Variants in SPMIP2 observed in about 807,000 individuals in gnomAD.
The protein encoded by SPMIP2 is sperm microtubule inner protein 2, also known as protein SPMIP2.
the SPMIP2 span, among the ~76,000 whole-genome samples, chr4:159,065,955 T>C: frequency 6.6e-6 from 1 of 152,224 alleles, no homozygotes; most frequent in East Asian, 1.9e-4. Flanking sequence ...ATGTCTGATA[T>C]CAGAGTCCTC....
chr4:159,013,946 G>A, the SPMIP2 span, among the ~76,000 whole-genome samples: 7 of 152,178 alleles, frequency 4.6e-5, no homozygotes, highest in Admixed American at 4.6e-4. Context: ...CTAGGGGAAG[G>A]GGAGAATGGA....
At chr4:158,911,731 G>C in the SPMIP2 span, among the ~76,000 whole-genome samples, 1 of 152,138 alleles carries the variant, frequency 6.6e-6, no homozygotes, top group African/African-American at 2.4e-5. Context: ...ATCATAATCT[G>C]CATCTTAACA....
At chr4:158,959,177 T>A in the SPMIP2 span, among the ~76,000 whole-genome samples, 10 of 152,220 alleles carry the variant, frequency 6.6e-5, no homozygotes, top group Non-Finnish European at 1.5e-5. Context: ...AAGTTTTTAA[T>A]GTTTAAATAA....
At chr4:158,952,423 A>G in the SPMIP2 span, among the ~76,000 whole-genome samples, 4 of 152,154 alleles carry the variant, frequency 2.6e-5, no homozygotes, top group Non-Finnish European at 4.4e-5. Context: ...CCACTTCTGC[A>G]TCTTCCTCAT....
the SPMIP2 span, among the ~76,000 whole-genome samples, chr4:158,995,531 A>G: frequency 6.6e-6 from 1 of 152,066 alleles, no homozygotes; most frequent in African/African-American, 2.4e-5. Context: ...CTGGCCTCCC[A>G]TACAATCTAA....
At chr4:158,898,877 T>C in the SPMIP2 span, among the ~76,000 whole-genome samples, 1 of 152,102 alleles carries the variant, frequency 6.6e-6, no homozygotes, top group Non-Finnish European at 1.5e-5. Flanking sequence ...CTATGTTGAA[T>C]AGTTGAATAG....
the SPMIP2 span, among the ~76,000 whole-genome samples, chr4:158,928,678 C>G: frequency 1.3e-5 from 2 of 152,182 alleles, no homozygotes; most frequent in Non-Finnish European, 2.9e-5. Context: ...TACCCTTCCA[C>G]ACAGTGGAAG....
chr4:158,914,165 AAG>A, the SPMIP2 span, among the ~76,000 whole-genome samples: 5 of 152,342 alleles, frequency 3.3e-5, no homozygotes, highest in East Asian at 9.6e-4. Context: ...CAGTGACAGA[AAG>A]TAACTAATCC....
chr4:158,911,485 T>C, the SPMIP2 span, among the ~76,000 whole-genome samples: 26 of 152,342 alleles, frequency 1.7e-4, no homozygotes, highest in Non-Finnish European at 3.7e-4. Flanking sequence ...TCCAGCCACA[T>C]TGAACCACAT....
chr4:159,031,396 C>T, the SPMIP2 span, among the ~76,000 whole-genome samples: 1 of 152,098 alleles, frequency 6.6e-6, no homozygotes, highest in African/African-American at 2.4e-5. Context: ...AAATTCGGAA[C>T]GTTGGACATT....
chr4:158,894,710 CTTGT>C, the SPMIP2 span, among the ~76,000 whole-genome samples: 2 of 152,118 alleles, frequency 1.3e-5, no homozygotes, highest in African/African-American at 4.8e-5. Flanking sequence ...CTTTTACCAC[CTTGT>C]TTACTTGGAG....
At chr4:158,999,417 C>T in the SPMIP2 span, among the ~76,000 whole-genome samples, 7 of 152,110 alleles carry the variant, frequency 4.6e-5, no homozygotes, top group Admixed American at 1.3e-4. Context: ...TAAGTGACTT[C>T]AATTTAGGCC....
the SPMIP2 span, among the ~76,000 whole-genome samples, chr4:159,000,494 C>CTTCT: frequency 3.1e-5 from 4 of 130,004 alleles, no homozygotes; most frequent in African/African-American, 8.5e-5. Flanking sequence ...TCTTCTTCTT[C>CTTCT]TTTTTTTTTT....
the SPMIP2 span, among the ~76,000 whole-genome samples, chr4:158,994,703 G>A: frequency 6.6e-6 from 1 of 152,204 alleles, no homozygotes; most frequent in Non-Finnish European, 1.5e-5. Flanking sequence ...AGCTGGGCTT[G>A]TCAGGGGAAT....
At chr4:158,912,123 G>A in the SPMIP2 span, among the ~76,000 whole-genome samples, 1 of 152,098 alleles carries the variant, frequency 6.6e-6, no homozygotes, top group Non-Finnish European at 1.5e-5. Flanking sequence ...TGGAATAGAA[G>A]ATAGAACTTA....
the SPMIP2 span, among the ~76,000 whole-genome samples, chr4:159,027,440 T>C: frequency 1.3e-5 from 2 of 152,286 alleles, no homozygotes; most frequent in East Asian, 3.9e-4. Context: ...CAAATTTTGA[T>C]TCAGGGCAAA....
At chr4:158,976,845 A>G in the SPMIP2 span, among the ~76,000 whole-genome samples, 1 of 151,910 alleles carries the variant, frequency 6.6e-6, no homozygotes, top group Non-Finnish European at 1.5e-5. Flanking sequence ...TATTTTTAGT[A>G]GAGACGGGGT....
the SPMIP2 span, among the ~76,000 whole-genome samples, chr4:158,938,458 A>C: frequency 2.6e-5 from 4 of 152,226 alleles, no homozygotes; most frequent in Non-Finnish European, 2.9e-5. Context: ...ATAGGAATAC[A>C]ACCACTCTAC....
chr4:158,975,118 T>A, the SPMIP2 span, among the ~76,000 whole-genome samples: 1 of 152,106 alleles, frequency 6.6e-6, no homozygotes, highest in African/African-American at 2.4e-5. Flanking sequence ...TTGAAAAGTA[T>A]CTGTTCATAT....
Sources: gnomAD v4.1 joint callset for allele counts (sites outside exome capture counted in the v4.1 genomes callset) on GRCh38, gnomAD v4.1.1 for gene constraint, MANE v1.5 for transcripts, NCBI Gene and HGNC (gene_info 2026-07-23, HGNC 2026-07-21) for gene names.